SLC6A6: variants seen among roughly 807,000 people sequenced by gnomAD.
SLC6A6 encodes the protein sodium- and chloride-dependent taurine transporter.
Under a neutral mutation model 68.8 loss-of-function variants are expected in SLC6A6, and 16 were observed. The ratio of observed to expected loss-of-function variants is 0.23; its 90% CI spans 0.16 to 0.35. The LOEUF (loss-of-function observed/expected upper bound fraction) is 0.35, where lower values mean the gene tolerates loss of function less well. Among genes scored for constraint, SLC6A6 ranks in the 10% least tolerant of loss-of-function variants. SLC6A6 has a pLI of 1.00. For missense variants in SLC6A6, 474 were observed against 802.8 expected, an observed-to-expected ratio of 0.59 and a Z score of 4.95; for synonymous variants, 312 against 315.4, an observed-to-expected ratio of 0.99 and a Z score of 0.12.
At chr3:14,425,403 A>C (rs1011041291) in intron 2 of SLC6A6, among the ~76,000 whole-genome samples, 3 of 152,204 alleles carry the variant, frequency 2.0e-5, no homozygotes, top group African/African-American at 7.2e-5. Flanking sequence ...CAGCAGAGGC[A>C]GGGAGGGCCC....
intron 2 of SLC6A6, among the ~76,000 whole-genome samples, chr3:14,418,712 A>T (rs1170579005): frequency 1.3e-5 from 2 of 152,200 alleles, no homozygotes; most frequent in African/African-American, 2.4e-5. Context: ...TTGAGCGCTT[A>T]TTGCACATCA....
intron 2 of SLC6A6, among the ~76,000 whole-genome samples, chr3:14,442,534 G>C (rs1320941814): frequency 6.6e-6 from 1 of 152,242 alleles, no homozygotes; most frequent in Non-Finnish European, 1.5e-5. Context: ...ACCCTTGTCA[G>C]TTCTCAGAGA....
intron 2 of SLC6A6, among the ~76,000 whole-genome samples, chr3:14,422,292 C>T (rs1048249351): frequency 2.6e-5 from 4 of 152,166 alleles, no homozygotes; most frequent in Non-Finnish European, 5.9e-5. Flanking sequence ...GTGCCTTTAT[C>T]TACTCATGTC....
intron 5 of SLC6A6, among the ~76,000 whole-genome samples, chr3:14,457,404 C>T (rs1353222398): frequency 6.6e-6 from 1 of 152,156 alleles, no homozygotes; most frequent in Non-Finnish European, 1.5e-5. Context: ...CATCCCAGAC[C>T]CTGAATTTAG....
intron 1 of SLC6A6, among the ~76,000 whole-genome samples, chr3:14,409,660 C>T (rs9809568): frequency 0.064 from 9,735 of 152,262 alleles, 583 homozygotes; most frequent in African/African-American, 0.15. Context: ...AGGGGAGATC[C>T]CTATCAGGAG....
intron 2 of SLC6A6, among the ~76,000 whole-genome samples, chr3:14,418,911 C>A (rs1699424884): frequency 6.6e-6 from 1 of 152,222 alleles, no homozygotes; most frequent in African/African-American, 2.4e-5. Flanking sequence ...CTTCCTCAGG[C>A]TGGGAACGGC....
chr3:14,466,265 TAAAAAAA>T (rs11310077), intron 6 of SLC6A6, among the ~76,000 whole-genome samples: 7,513 of 110,238 alleles, frequency 0.068, 214 homozygotes, highest in South Asian at 0.15. Flanking sequence ...GTCTCAAATT[TAAAAAAA>T]AAAAAAAAAA....
At chr3:14,456,164 G>C (rs1329821530) in intron 5 of SLC6A6, among the ~76,000 whole-genome samples, 1 of 152,230 alleles carries the variant, frequency 6.6e-6, no homozygotes, top group Non-Finnish European at 1.5e-5. Context: ...CCTGGGATCA[G>C]ATGAGATAAA....
chr3:14,475,669 A>C (rs563017749), intron 10 of SLC6A6, among the ~76,000 whole-genome samples: 1 of 152,326 alleles, frequency 6.6e-6, no homozygotes, highest in Admixed American at 6.5e-5. Flanking sequence ...TCACAGCGAC[A>C]CTGACCTTCC....
chr3:14,459,883 C>CTTTTTTTT lies in SLC6A6; in HGVS notation c.732+1819_732+1826dup, dbSNP rs869191764. ...CGGTTCTGTAAATGCTAATTCTCTT[C>CTTTTTTTT]TTTTTTTTTTTTTTTTTTTTTTTTT... On this transcript the variant is annotated intron_variant, in intron 6 of 14. Transcript: ENST00000622186. Among the ~76,000 whole-genome samples, 156 of 40,092 alleles carry CTTTTTTTT rather than the reference C, an allele frequency of 3.9e-3. 1 individual carries two copies. Among genetic ancestry groups the CTTTTTTTT allele is most frequent in the Non-Finnish European group, 5.3e-3 (113 of 21,316 alleles). 26.3% of individuals were successfully genotyped at this position (40,092 alleles called of 152,430 possible).
intron 2 of SLC6A6, among the ~76,000 whole-genome samples, chr3:14,426,754 C>T (rs1204269101): frequency 6.6e-6 from 1 of 152,058 alleles, no homozygotes; most frequent in Non-Finnish European, 1.5e-5. Flanking sequence ...TAAGCCGGGA[C>T]CCTCCTCATC....
chr3:14,443,974 C>T (rs549731235), intron 3 of SLC6A6, 111 bp downstream of exon 3: 3 of 730,436 alleles, frequency 4.1e-6, no homozygotes, highest in African/African-American at 1.7e-5. Flanking sequence ...CCCTGGCCCC[C>T]CCCCTTGACC....
intron 1 of SLC6A6, among the ~76,000 whole-genome samples, chr3:14,410,333 T>TA (rs1699222772): frequency 6.6e-6 from 1 of 152,186 alleles, no homozygotes; most frequent in Non-Finnish European, 1.5e-5. Context: ...CCTTCGGTGA[T>TA]ATTGTTCATG....
chr3:14,410,767 A>G (rs755733698), intron 1 of SLC6A6, among the ~76,000 whole-genome samples: 1 of 152,204 alleles, frequency 6.6e-6, no homozygotes, highest in African/African-American at 2.4e-5. Context: ...TTCTTTGCAC[A>G]TAAATGCCAA....
Position 14,481,592 on chromosome 3 carries a change from G to A in SLC6A6, c.1552-79G>A, listed in dbSNP as rs1701007760. On this transcript the variant is annotated intron_variant, in intron 13 of 14. Coordinates refer to ENST00000622186, the MANE Select transcript of SLC6A6 (RefSeq NM_003043.6). This position sits in a 1 kb window ranked among gnomAD's most constrained non-coding sequence, Gnocchi z 4.7. ...AGGAGAGAGACCCTTCCCTCAGGTT[G>A]AGGCCAGTCCTAGTCCCAGAAGCCC... is the stretch of plus-strand genomic sequence containing the variant. 1.1e-6 allele frequency: 1 copy of A among 942,878 alleles called. No individual in the cohort carries two copies. Among genetic ancestry groups the A allele is most frequent in the Non-Finnish European group, 1.7e-6 (1 of 603,306 alleles). The allele number at this position is 942,878 out of a possible 1,614,324, so 58.4% of individuals were successfully genotyped here. A position where few individuals can be genotyped will look rare whatever the true frequency, so the allele number is the denominator to read the frequency against.
rs1364501200 is a variant in SLC6A6, at chr3:14,485,985, G to A, written c.*978G>A. On this transcript the variant is annotated 3_prime_UTR_variant, in exon 15 of 15. Coordinates refer to ENST00000622186, the MANE Select transcript of SLC6A6 (RefSeq NM_003043.6). ...AGCTGGGGTCTCAGGGCTCAGATGAGTCTGTTGCATTTGAATGGGGTCATA... is the reference window on the plus strand; with the variant it reads ...AGCTGGGGTCTCAGGGCTCAGATGAATCTGTTGCATTTGAATGGGGTCATA... 1 of 152,728 alleles carries A rather than the reference G, an allele frequency of 6.5e-6. No homozygotes were observed. The highest frequency in any genetic ancestry group is 1.9e-4 in the East Asian group (1 of 5,198). The allele number at this position is 152,728 out of a possible 1,614,324, so 9.5% of individuals were successfully genotyped here.
intron 5 of SLC6A6, among the ~76,000 whole-genome samples, chr3:14,454,084 G>C (rs1268715217): frequency 1.3e-5 from 2 of 152,222 alleles, no homozygotes; most frequent in Admixed American, 1.3e-4. Flanking sequence ...AAGTGAGTCT[G>C]AATGGCAGGG....
At chr3:14,457,041 G>C (rs1297078138) in intron 5 of SLC6A6, among the ~76,000 whole-genome samples, 1 of 152,230 alleles carries the variant, frequency 6.6e-6, no homozygotes, top group Non-Finnish European at 1.5e-5. Flanking sequence ...TGGGCTGTCA[G>C]TACCCTGCAT....
chr3:14,409,903 G>A (rs1046856132), intron 1 of SLC6A6, among the ~76,000 whole-genome samples: 16 of 152,286 alleles, frequency 1.1e-4, no homozygotes, highest in African/African-American at 3.8e-4. Context: ...AAGAGCCATT[G>A]TTGGCCAGGC....
Sources: allele counts gnomAD v4.1 joint callset (sites outside exome capture counted in the v4.1 genomes callset), GRCh38; gene constraint gnomAD v4.1.1; non-coding constraint Gnocchi (gnomAD v3.1); transcripts MANE v1.5; gene names NCBI Gene and HGNC (gene_info 2026-07-23, HGNC 2026-07-21).